SLC22A25: variants seen among roughly 807,000 people sequenced by gnomAD.
SLC22A25 encodes solute carrier family 22 member 25, also known as MGI:2442751, MGI:2385316, MGI:3042283, MGI:3645714, MGI:3605624, MGI:2442750.
Under a neutral mutation model 45.9 loss-of-function variants are expected in SLC22A25, and 44 were observed. That is an observed-to-expected ratio of 0.96 (90% CI 0.75 to 1.23). The LOEUF (loss-of-function observed/expected upper bound fraction) is 1.23, where lower values mean the gene tolerates loss of function less well. Ranked by LOEUF, SLC22A25 falls within the 50% of genes most tolerant of loss-of-function variation. The probability of loss-of-function intolerance (pLI) is 0.00; values close to 1 mark genes in which losing one functional copy is unlikely to be tolerated. For missense variants in SLC22A25, 800 were observed against 666.4 expected (o/e 1.20, Z -2.21); for synonymous variants, 283 against 238.6 (o/e 1.19, Z -1.72).
At chr11:63,170,517 C>T (rs1050495755) in intron 9 of SLC22A25, among the ~76,000 whole-genome samples, 11 of 152,064 alleles carry the variant, frequency 7.2e-5, no homozygotes, top group African/African-American at 2.2e-4. Flanking sequence ...TACAAACTAC[C>T]GTCAGAGAAT....
intron 7 of SLC22A25, among the ~76,000 whole-genome samples, chr11:63,190,216 C>G (rs561127173): frequency 1.3e-5 from 2 of 152,078 alleles, no homozygotes; most frequent in African/African-American, 2.4e-5. Context: ...TCAGATAGTC[C>G]CATATTTCCT....
rs770199255 is a variant in SLC22A25 at position 63,228,477 on chromosome 11, C to G, written c.490G>C (p.Gly164Arg). The G allele has an allele frequency of 5.6e-6, 9 of 1,613,026 alleles. No individual in the cohort carries two copies. The South Asian group carries it at 7.7e-5, about 14-fold the overall frequency. ...GACACTCACCTGTCTGACAAATGGC[C>G]ATATAGGTTGCCTCCCACCATCATT... ...AGMMVGGNLY[G>R]HLSDRFGRKF... The change falls in exon 5 of 12, where the codon GGC becomes CGC. Residue 164 changes from glycine to arginine, a missense_variant. By Grantham distance (125) the Gly-to-Arg change is moderately radical (BLOSUM62 -2). Coordinates refer to ENST00000306494, the MANE Select transcript of SLC22A25 (RefSeq NM_199352.6).
chr11:63,191,414 G>C (rs2088809953), intron 7 of SLC22A25, among the ~76,000 whole-genome samples: 1 of 152,176 alleles, frequency 6.6e-6, no homozygotes, highest in Admixed American at 6.5e-5. Context: ...ATTAGGGTGG[G>C]AGTGACCCGA....
At chr11:63,224,000 A>G (rs1333712797) in intron 5 of SLC22A25, among the ~76,000 whole-genome samples, 3 of 152,006 alleles carry the variant, frequency 2.0e-5, no homozygotes, top group Admixed American at 6.6e-5. Context: ...GTTAAGTCCA[A>G]TGTTTCTTTG....
rs1279497394 is a variant in SLC22A25 at position 63,166,029 on chromosome 11, G to A, written c.1285+15C>T. On this transcript the variant is annotated intron_variant, in intron 10 of 11. Coordinates refer to ENST00000306494, the MANE Select transcript of SLC22A25 (RefSeq NM_199352.6). ...GAAAGACATTTTCTTTCTTCCACCTGTGAACTTTTCTCACCTTGAGGCACA... is the reference window on the plus strand; with the variant it reads ...GAAAGACATTTTCTTTCTTCCACCTATGAACTTTTCTCACCTTGAGGCACA... 6.2e-7 allele frequency: 1 copy of A among 1,612,092 alleles called. No individual in the cohort carries two copies. The highest frequency in any genetic ancestry group is 1.7e-5 in the Admixed American group (1 of 59,964).
Position 63,177,369 on chromosome 11 carries a change from TG to T in SLC22A25, c.1070+3290del, listed in dbSNP as rs879600314. Reference sequence around the variant, plus strand: ...TCATTTGAGTGTGTGTGTGTGTGTGTGTGTGTGTGTGTGTGTCGAGAACATT... The same window carrying T: ...TCATTTGAGTGTGTGTGTGTGTGTGTTGTGTGTGTGTGTGTCGAGAACATT... On this transcript the variant is annotated intron_variant, in intron 9 of 11. Transcript: ENST00000306494. Among the ~76,000 whole-genome samples, 179 of 151,064 alleles carry T rather than the reference TG, an allele frequency of 1.2e-3. 1 individual carries two copies. The highest frequency in any genetic ancestry group is 1.7e-3 in the Non-Finnish European group (117 of 67,596).
chr11:63,192,939 T>A (rs985293337), intron 7 of SLC22A25, among the ~76,000 whole-genome samples: 1 of 152,042 alleles, frequency 6.6e-6, no homozygotes, highest in African/African-American at 2.4e-5. Flanking sequence ...GACAGAAAAT[T>A]AACAAAGATA....
At chr11:63,173,070 G>C (rs948266174) in intron 9 of SLC22A25, among the ~76,000 whole-genome samples, 7 of 152,122 alleles carry the variant, frequency 4.6e-5, no homozygotes, top group Non-Finnish European at 7.4e-5. Context: ...CCCTAACAGG[G>C]ACATGGATGA....
In SLC22A25 at chr11:63,180,717, CA is replaced by C. The variant is rs756265542; in HGVS notation, c.1012del (p.Cys338ValfsTer19). On this transcript the variant is annotated frameshift_variant, in exon 9 of 12. Transcript: ENST00000306494. LOFTEE classifies it high-confidence loss of function. ...TATGTTGGGTATGCGGAGCAATTCA[CA>C]AAGAGAATGCTTTTTCTGTGCTGCC... The part of the protein sequence containing the change: ...LEAAQKKHSL[C>X]ELLRIPNICK... The C allele has an allele frequency of 5.0e-6, 8 of 1,613,092 alleles. No homozygotes were observed. In the African/African-American group the frequency reaches 1.1e-4, roughly 22 times the overall value.
chr11:63,203,781 A>G (rs2134783606), intron 7 of SLC22A25, among the ~76,000 whole-genome samples: 1 of 152,326 alleles, frequency 6.6e-6, no homozygotes, highest in South Asian at 2.1e-4. Flanking sequence ...AGACAGGCCA[A>G]CATTCAAATT....
intron 7 of SLC22A25, among the ~76,000 whole-genome samples, chr11:63,205,858 C>A (rs539324526): frequency 6.6e-6 from 1 of 151,810 alleles, no homozygotes; most frequent in African/African-American, 2.4e-5. Context: ...CAAAAAAATT[C>A]AGGCCAATAT....
chr11:63,208,894 C>A (rs974493194), intron 7 of SLC22A25, among the ~76,000 whole-genome samples: 23 of 152,024 alleles, frequency 1.5e-4, no homozygotes, highest in Admixed American at 2.0e-4. Flanking sequence ...ATAACAGGAC[C>A]CGGTCTGGTG....
intron 7 of SLC22A25, among the ~76,000 whole-genome samples, chr11:63,211,696 C>T (rs1157119338): frequency 6.6e-6 from 1 of 152,028 alleles, no homozygotes; most frequent in Non-Finnish European, 1.5e-5. Flanking sequence ...AAATCTTAGA[C>T]CTAAAACCTT....
intron 10 of SLC22A25, 117 bp from the exon 11 acceptor site, chr11:63,164,751 A>G (rs774255245): frequency 1.6e-4 from 118 of 755,976 alleles, no homozygotes; most frequent in Non-Finnish European, 2.3e-4. Flanking sequence ...AATGTACTGT[A>G]GGAAAACTGC....
chr11:63,187,465 T>C (rs890201243), intron 7 of SLC22A25, among the ~76,000 whole-genome samples: 2 of 152,222 alleles, frequency 1.3e-5, no homozygotes, highest in Non-Finnish European at 2.9e-5. Context: ...TGGGGTTTTC[T>C]AGATATACAA....
In SLC22A25 at chr11:63,222,821, GT is replaced by G. The variant is rs200504452; in HGVS notation, c.507-5087del. 6.9e-4 allele frequency among the ~76,000 whole-genome samples: 104 copies of G among 150,566 alleles called. No homozygotes were observed. The East Asian group carries it at 8.7e-3, about 13-fold the overall frequency. ...TTCTATACCCAGTTTTTTTTTGAGAGTTTTTTTTTATCATGAAGCAATGTTT... is the reference window on the plus strand; with the variant it reads ...TTCTATACCCAGTTTTTTTTTGAGAGTTTTTTTTATCATGAAGCAATGTTT... On this transcript the variant is annotated intron_variant, in intron 5 of 11. Coordinates refer to ENST00000306494, the MANE Select transcript of SLC22A25 (RefSeq NM_199352.6).
In SLC22A25 at chr11:63,243,479, C is replaced by T. The variant is rs1015939141; in HGVS notation, c.-1041G>A. On this transcript the variant is annotated 5_prime_UTR_variant, in exon 1 of 12. Coordinates refer to ENST00000306494, the MANE Select transcript of SLC22A25 (RefSeq NM_199352.6). ...GATCCCAACTTCAAAGTCCCATCTG[C>T]AACTCCTGGGTGCTGTCTGCATGTT... 1.6e-5 allele frequency: 12 copies of T among 762,562 alleles called. No homozygotes were observed. Among genetic ancestry groups the T allele is most frequent in the Admixed American group, 1.2e-4 (7 of 57,906 alleles). The allele number at this position is 762,562 out of a possible 1,614,324, so 47.2% of individuals were successfully genotyped here. A position where few individuals can be genotyped will look rare whatever the true frequency, so the allele number is the denominator to read the frequency against.
chr11:63,167,890 G>A (rs372738567), intron 9 of SLC22A25: 4 of 342,320 alleles, frequency 1.2e-5, no homozygotes, highest in South Asian at 2.2e-5. Context: ...CCCAGCAGGG[G>A]TCAACAGACA....
In SLC22A25 at chr11:63,177,840, T is replaced by TATATATATAATGTATATATATA. The variant is rs1565070607; in HGVS notation, c.1070+2819_1070+2820insTATATATATACATTATATATAT. Among the ~76,000 whole-genome samples, 5 of 61,410 alleles carry TATATATATAATGTATATATATA rather than the reference T, an allele frequency of 8.1e-5. 1 individual carries two copies. The highest frequency in any genetic ancestry group is 2.3e-4 in the African/African-American group (4 of 17,596). 40.3% of individuals were successfully genotyped at this position (61,410 alleles called of 152,430 possible). On this transcript the variant is annotated intron_variant, in intron 9 of 11. Coordinates refer to ENST00000306494, the MANE Select transcript of SLC22A25 (RefSeq NM_199352.6). The stretch of plus-strand genomic sequence containing the variant: ...ATATATAATGTATATATATAATGTG[T>TATATATATAATGTATATATATA]ATATATATATAATGTATATATATAA...
Sources: gnomAD v4.1 joint callset for allele counts (sites outside exome capture counted in the v4.1 genomes callset) on GRCh38, gnomAD v4.1.1 for gene constraint, MANE v1.5 for transcripts, NCBI Gene and HGNC (gene_info 2026-07-23, HGNC 2026-07-21) for gene names.